FKBP3: variants seen among roughly 807,000 people sequenced by gnomAD.
The protein encoded by FKBP3 is FKBP prolyl isomerase 3, also known as peptidyl-prolyl cis-trans isomerase FKBP3.
FKBP3 carries 21 observed loss-of-function variants against 30.6 expected under a neutral mutation model. The ratio of observed to expected loss-of-function variants is 0.69; its 90% CI spans 0.49 to 0.99. The LOEUF (loss-of-function observed/expected upper bound fraction) is 0.99. FKBP3 is among the 50% of genes least tolerant of loss of function. The pLI is 0.00. For synonymous variants in FKBP3, 82 were observed against 91.3 expected (o/e 0.90, Z 0.58); for missense variants, 283 against 261.6 (o/e 1.08, Z -0.56).
chr14:45,126,679 AAAAG>A (rs925943291), intron 3 of FKBP3, among the ~76,000 whole-genome samples: 1 of 152,108 alleles, frequency 6.6e-6, no homozygotes, highest in African/African-American at 2.4e-5. Flanking sequence ...TAAAAATGTA[AAAAG>A]AAAGAGATGA....
At chr14:45,121,735 TAATA>T (rs1279283383) in intron 3 of FKBP3, 115 bp from the exon 4 acceptor site, 30 of 1,213,534 alleles carry the variant, frequency 2.5e-5, no homozygotes, top group East Asian at 1.9e-4. Flanking sequence ...ATGGATTTGG[TAATA>T]AATAAACAAA....
At chr14:45,125,598 T>C (rs180708154) in intron 3 of FKBP3, among the ~76,000 whole-genome samples, 139 of 152,326 alleles carry the variant, frequency 9.1e-4, no homozygotes, top group Non-Finnish European at 1.7e-3. Context: ...ACAATAAATA[T>C]ATTGACAATG....
chr14:45,123,692 G>A (rs1885036695), intron 3 of FKBP3, among the ~76,000 whole-genome samples: 1 of 123,858 alleles, frequency 8.1e-6, no homozygotes, highest in South Asian at 2.7e-4. Context: ...TCGGCTCATT[G>A]CAAGCTCTGC....
At chr14:45,118,917 C>T (rs749122891) in intron 5 of FKBP3, among the ~76,000 whole-genome samples, 1 of 152,046 alleles carries the variant, frequency 6.6e-6, no homozygotes, top group African/African-American at 2.4e-5. Flanking sequence ...AGTGCAATAG[C>T]GTGATCTTGG....
At chr14:45,128,844 G>A (rs1298702363) in intron 3 of FKBP3, among the ~76,000 whole-genome samples, 1 of 152,142 alleles carries the variant, frequency 6.6e-6, no homozygotes, top group African/African-American at 2.4e-5. Flanking sequence ...CTAATTTCCT[G>A]GAGGGTGAAC....
intron 3 of FKBP3, among the ~76,000 whole-genome samples, chr14:45,123,914 A>G (rs770280433): frequency 2.0e-5 from 3 of 151,768 alleles, no homozygotes; most frequent in Non-Finnish European, 4.4e-5. Flanking sequence ...CACCAGGCCC[A>G]GCCCCCTCAT....
At chr14:45,132,960 TA>T (rs1885254731) in intron 1 of FKBP3, among the ~76,000 whole-genome samples, 1 of 152,284 alleles carries the variant, frequency 6.6e-6, no homozygotes, top group South Asian at 2.1e-4. Context: ...ATAGTTCCAT[TA>T]AAATGGGGTA....
rs748060039 is a variant in FKBP3 at position 45,134,440 on chromosome 14, G to A, written c.17C>T (p.Pro6Leu). 3.1e-6 allele frequency: 5 copies of A among 1,610,300 alleles called. No homozygotes were observed. The East Asian group carries it at 6.7e-5, about 22-fold the overall frequency. Residue 6 changes from proline to leucine, a missense_variant, in exon 1 of 7, where the codon CCA (proline) becomes CTA (leucine). Pro to Leu is a moderately conservative substitution (Grantham distance 98). Transcript: ENST00000396062. ...CTGCTCCACGGTCCACGCCCGCTGT[G>A]GAACGGCCGCCGCCATCTTCCCCCG... The part of the protein sequence containing the change: MAAAV[P>L]QRAWTVEQLR...
Position 45,132,781 on chromosome 14 carries a change from T to A in FKBP3, c.108+1568A>T, listed in dbSNP as rs1885248687. Among the ~76,000 whole-genome samples, 2 of 152,086 alleles carry A rather than the reference T, an allele frequency of 1.3e-5. 1 individual carries two copies. The highest frequency in any genetic ancestry group is 4.1e-4 in the South Asian group (2 of 4,830). ...TAATGTTATAAAAACATTTTGATAA[T>A]CCAAGTCTGTTGAAATTCTTCCACG... On this transcript the variant is annotated intron_variant, in intron 1 of 6. Coordinates refer to ENST00000396062, the MANE Select transcript of FKBP3 (RefSeq NM_002013.4).
At position 45,118,134 on chromosome 14, in the gene FKBP3, A is replaced by G. The variant is rs1423404510; in HGVS notation, c.523-9T>C. The stretch of plus-strand genomic sequence containing the variant: ...AAGAGAGCTTCATCCCACTAAAGGC[A>G]AGAACAAAATAAAAACTAATGGTAT... On this transcript the variant is annotated splice_polypyrimidine_tract_variant and intron_variant, in intron 5 of 6. Transcript: ENST00000396062. 1 of 1,569,434 alleles carries G rather than the reference A, an allele frequency of 6.4e-7. No homozygotes were observed. The highest frequency in any genetic ancestry group is 2.2e-5 in the East Asian group (1 of 44,524).
intron 6 of FKBP3, among the ~76,000 whole-genome samples, chr14:45,117,116 C>T (rs192722602): frequency 9.2e-5 from 14 of 152,162 alleles, no homozygotes; most frequent in Non-Finnish European, 1.3e-4. Context: ...GGATTACAGG[C>T]CTGCAACACC....
At chr14:45,134,313 G>A in intron 1 of FKBP3, 36 bp downstream of exon 1, 1 of 1,522,268 alleles carries the variant, frequency 6.6e-7, no homozygotes, top group Non-Finnish European at 9.1e-7. Context: ...GCGTCCCTCA[G>A]CCGCACCAGC....
rs539785246 is a variant in FKBP3, at chr14:45,128,599, A to G, written c.318+1195T>C. Among the ~76,000 whole-genome samples, 92 of 152,374 alleles carry G rather than the reference A, an allele frequency of 6.0e-4. 1 individual carries two copies. The South Asian group carries it at 0.018, about 30-fold the overall frequency. On this transcript the variant is annotated intron_variant, in intron 3 of 6. Transcript: ENST00000396062. ...AAAGCATGAAGACAGAGAGTAGACA[A>G]CGAGGGTTAGCAAGGAAATGGACAA... is the stretch of plus-strand genomic sequence containing the variant.
intron 5 of FKBP3, 126 bp downstream of exon 5, chr14:45,120,761 C>T (rs1279887621): frequency 6.9e-6 from 5 of 725,150 alleles, no homozygotes; most frequent in Non-Finnish European, 1.2e-5. Flanking sequence ...AATGATTATA[C>T]CCAATCTGTC....
chr14:45,128,371 G>A (rs1885145147), intron 3 of FKBP3, among the ~76,000 whole-genome samples: 1 of 151,968 alleles, frequency 6.6e-6, no homozygotes, highest in Non-Finnish European at 1.5e-5. Flanking sequence ...GAGTAAGAAG[G>A]GACTGAGAAT....
chr14:45,118,826 G>C (rs1293255863), intron 5 of FKBP3, among the ~76,000 whole-genome samples: 1 of 152,124 alleles, frequency 6.6e-6, no homozygotes, highest in Non-Finnish European at 1.5e-5. Context: ...GATTGTAATA[G>C]TGGAGTCACG....
chr14:45,122,159 G>T (rs1041503459), intron 3 of FKBP3, among the ~76,000 whole-genome samples: 1 of 152,062 alleles, frequency 6.6e-6, no homozygotes, highest in Non-Finnish European at 1.5e-5. Flanking sequence ...ATATTTCCTA[G>T]AACAAAGTAG....
chr14:45,117,886 T>TA (rs1477595452), intron 6 of FKBP3, 142 bp downstream of exon 6: 3 of 645,170 alleles, frequency 4.6e-6, no homozygotes, highest in Non-Finnish European at 8.1e-6. Flanking sequence ...TGCTGACACA[T>TA]AAGCATCTAA....
At chr14:45,117,199 T>A (rs1022958211) in intron 6 of FKBP3, among the ~76,000 whole-genome samples, 4 of 152,216 alleles carry the variant, frequency 2.6e-5, no homozygotes, top group Non-Finnish European at 5.9e-5. Context: ...TTTGAACTCC[T>A]GACCTCAGGT....
Sources: allele counts gnomAD v4.1 joint callset (sites outside exome capture counted in the v4.1 genomes callset), GRCh38; gene constraint gnomAD v4.1.1; transcripts MANE v1.5; gene names NCBI Gene and HGNC (gene_info 2026-07-23, HGNC 2026-07-21).